Variants in CYP4F22 observed in about 807,000 individuals in gnomAD.
The protein encoded by CYP4F22 is cytochrome P450 family 4 subfamily F member 22.
CYP4F22 carries 37 observed loss-of-function variants against 60.4 expected under a neutral mutation model. That is an observed-to-expected ratio of 0.61 (90% confidence interval 0.47 to 0.81). CYP4F22 has a LOEUF of 0.81. Among genes scored for constraint, CYP4F22 ranks in the 30% least tolerant of loss-of-function variants. The pLI, the probability that CYP4F22 is intolerant of heterozygous loss-of-function variation, is 0.00. For synonymous variants in CYP4F22, 258 were observed against 280.5 expected (o/e 0.92, Z 0.80); for missense variants, 655 against 715.0 (o/e 0.92, Z 0.96).
intron 3 of CYP4F22, among the ~76,000 whole-genome samples, chr19:15,526,052 C>T (rs1466132315): frequency 1.3e-5 from 2 of 151,698 alleles, no homozygotes; most frequent in South Asian, 2.1e-4. Flanking sequence ...GTAATCCCAG[C>T]TACTTGGGAG....
Position 15,537,343 on chromosome 19 carries a change from T to TC in CYP4F22, c.368-15dup. On this transcript the variant is annotated splice_polypyrimidine_tract_variant and intron_variant, in intron 4 of 13. Transcript: ENST00000269703. ...AAAACTCTGTTTTGAGTCACCATTT[T>TC]CCCTTTGCCCTCCACAGCTGCCATC... 6.2e-7 allele frequency: 1 copy of TC among 1,614,012 alleles called. No homozygotes were observed. Among genetic ancestry groups the TC allele is most frequent in the Non-Finnish European group, 8.5e-7 (1 of 1,180,010 alleles).
chr19:15,512,405 C>T (rs1971102602), intron 1 of CYP4F22, among the ~76,000 whole-genome samples: 2 of 152,146 alleles, frequency 1.3e-5, no homozygotes, highest in Non-Finnish European at 2.9e-5. Context: ...GATTTTGGCT[C>T]ATTGCAACCT....
intron 11 of CYP4F22, among the ~76,000 whole-genome samples, chr19:15,548,618 C>T (rs1971560363): frequency 6.6e-6 from 1 of 152,072 alleles, no homozygotes. Context: ...AGGGTGCAGA[C>T]ATTCCCAGGC....
intron 3 of CYP4F22, among the ~76,000 whole-genome samples, chr19:15,527,594 G>A (rs953336709): frequency 6.6e-6 from 1 of 152,238 alleles, no homozygotes; most frequent in Non-Finnish European, 1.5e-5. Context: ...CTAAAGCCCA[G>A]CCTTGACGTT....
At chr19:15,515,342 A>G in intron 1 of CYP4F22, 1 of 1,198,322 alleles carries the variant, frequency 8.3e-7, no homozygotes, top group Non-Finnish European at 1.2e-6. Flanking sequence ...GAAAAGGTTC[A>G]GCACCTCCCA....
intron 1 of CYP4F22, among the ~76,000 whole-genome samples, chr19:15,522,747 A>T (rs908957301): frequency 6.6e-6 from 1 of 152,070 alleles, no homozygotes; most frequent in Admixed American, 6.6e-5. Context: ...GTCTCACTCT[A>T]TCGCCCAGGC....
At chr19:15,550,633 G>T in intron 12 of CYP4F22, 41 bp from the exon 13 acceptor site, 1 of 1,606,818 alleles carries the variant, frequency 6.2e-7, no homozygotes, top group Non-Finnish European at 8.5e-7. Flanking sequence ...TGGGATGTCT[G>T]GGGCAGCCCC....
chr19:15,535,576 A>C lies in CYP4F22; in HGVS notation c.368-1785A>C, dbSNP rs1293120860. 5.9e-5 allele frequency among the ~76,000 whole-genome samples: 9 copies of C among 152,212 alleles called. No individual in the cohort carries two copies. The East Asian group carries it at 1.5e-3, about 26-fold the overall frequency. Reference sequence around the variant, plus strand: ...CATCCATTCATCCATCCACTCATTCATTCATTCATCCATCCACCTTCCACC... The same window carrying C: ...CATCCATTCATCCATCCACTCATTCCTTCATTCATCCATCCACCTTCCACC... On this transcript the variant is annotated intron_variant, in intron 4 of 13. Coordinates refer to ENST00000269703, the MANE Select transcript of CYP4F22 (RefSeq NM_173483.4).
intron 3 of CYP4F22, among the ~76,000 whole-genome samples, chr19:15,527,242 T>TG (rs1266373961): frequency 6.6e-6 from 1 of 152,104 alleles, no homozygotes; most frequent in Non-Finnish European, 1.5e-5. Flanking sequence ...ACCACATCCC[T>TG]GCCCCTGCTT....
intron 7 of CYP4F22, 82 bp from the exon 8 acceptor site, chr19:15,540,368 C>G: frequency 1.3e-6 from 2 of 1,543,538 alleles, no homozygotes; most frequent in Non-Finnish European, 8.9e-7. Context: ...TCAATGGGGA[C>G]AGGAGGCTTA....
At chr19:15,535,237 A>T (rs926883104) in intron 4 of CYP4F22, among the ~76,000 whole-genome samples, 1 of 152,074 alleles carries the variant, frequency 6.6e-6, no homozygotes. Flanking sequence ...TGGTAATTGC[A>T]TGGTGTGTCT....
intron 8 of CYP4F22, among the ~76,000 whole-genome samples, chr19:15,542,682 A>G (rs866599682): frequency 2.2e-4 from 33 of 152,016 alleles, no homozygotes; most frequent in South Asian, 4.1e-4. Flanking sequence ...TGCATTTGCT[A>G]TTTATCCTGA....
At chr19:15,509,523 T>C (rs1971058417) in intron 1 of CYP4F22, among the ~76,000 whole-genome samples, 1 of 152,104 alleles carries the variant, frequency 6.6e-6, no homozygotes, top group Admixed American at 6.6e-5. Flanking sequence ...AAACTCCTTC[T>C]TGTGTAACTC....
chr19:15,547,018 G>GTTTTGTTTTTTTTTTTTTTTTT (rs1555730099), intron 10 of CYP4F22, among the ~76,000 whole-genome samples: 1 of 82,330 alleles, frequency 1.2e-5, no homozygotes, highest in African/African-American at 5.7e-5. Flanking sequence ...GCCTGCACCA[G>GTTTTGTTTTTTTTTTTTTTTTT]TTTTTTTTTT....
intron 1 of CYP4F22, among the ~76,000 whole-genome samples, chr19:15,523,251 T>C (rs1284694196): frequency 6.6e-6 from 1 of 152,042 alleles, no homozygotes; most frequent in Non-Finnish European, 1.5e-5. Context: ...CCCCAGCTAC[T>C]TGGGAAGCTG....
chr19:15,516,935 T>G (rs1971162726), intron 1 of CYP4F22: 1 of 195,586 alleles, frequency 5.1e-6, no homozygotes, highest in East Asian at 1.2e-4. Flanking sequence ...GTTCAAGCGA[T>G]TCTCCTGCCT....
intron 1 of CYP4F22, chr19:15,516,067 T>C (rs1971151656): frequency 6.6e-6 from 1 of 152,152 alleles, no homozygotes; most frequent in African/African-American, 2.4e-5. Flanking sequence ...AAAAGATGTT[T>C]AGTGCAGCCA....
intron 1 of CYP4F22, among the ~76,000 whole-genome samples, chr19:15,512,928 T>C (rs1188070689): frequency 6.6e-6 from 1 of 152,172 alleles, no homozygotes; most frequent in Non-Finnish European, 1.5e-5. Flanking sequence ...CTTCCACCCC[T>C]GTCCCGAGTT....
intron 1 of CYP4F22, among the ~76,000 whole-genome samples, chr19:15,509,893 C>CTTTCTTTCT (rs1476200218): frequency 0.018 from 1,992 of 110,006 alleles, 76 homozygotes; most frequent in East Asian, 0.11. Flanking sequence ...TCCTTCCTTC[C>CTTTCTTTCT]TTCCTTCCTT....
Sources: allele counts gnomAD v4.1 joint callset (sites outside exome capture counted in the v4.1 genomes callset), GRCh38; gene constraint gnomAD v4.1.1; transcripts MANE v1.5; gene names NCBI Gene and HGNC (gene_info 2026-07-23, HGNC 2026-07-21).